Variants in RHOT2 observed in about 807,000 individuals in gnomAD.
RHOT2 encodes the protein ras homolog family member T2.
A neutral mutation model predicts 81.6 loss-of-function variants in RHOT2; 90 were observed. That is an observed-to-expected ratio of 1.10 (90% CI 0.93 to 1.31). RHOT2 has a LOEUF of 1.31. Ranked by LOEUF, RHOT2 falls within the 40% of genes most tolerant of loss-of-function variation. RHOT2 has a pLI of 0.00. For missense variants in RHOT2, 1,014 were observed against 841.9 expected (o/e 1.20, Z -2.53); for synonymous variants, 512 against 370.9 (o/e 1.38, Z -4.37).
chr16:669,851 C>G lies in RHOT2; in HGVS notation c.276+245C>G, dbSNP rs923757911. On this transcript the variant is annotated intron_variant, in intron 5 of 18. Transcript: ENST00000315082. Reference sequence around the variant, plus strand: ...CTCTTTCTTCCCCAGTTTCCAAACCCCCGGGGGGGGACCCGCAGAGGGCCT... The same window carrying G: ...CTCTTTCTTCCCCAGTTTCCAAACCGCCGGGGGGGGACCCGCAGAGGGCCT... 2.8e-5 allele frequency: 17 copies of G among 616,954 alleles called. No homozygotes were observed. The African/African-American group carries it at 3.1e-4, about 11-fold the overall frequency. 38.2% of individuals were successfully genotyped at this position (616,954 alleles called of 1,614,324 possible). A position where few individuals can be genotyped will look rare whatever the true frequency, so the allele number is the denominator to read the frequency against.
rs2038698328 is a variant in RHOT2, at chr16:670,293, G to A, written c.374G>A (p.Gly125Glu). ...LVGNKSDLRS[G>E]SSMEAVLPIM... ...GGCAACAAGTCAGACCTGCGGTCGG[G>A]GAGCTCCATGGAGGCCGTGCTCCCC... The change falls in exon 7 of 19, where the codon GGG (glycine) becomes GAG (glutamate). Residue 125 changes from glycine to glutamate, a missense_variant. Transcript: ENST00000315082. 6.2e-7 allele frequency: 1 copy of A among 1,612,788 alleles called. No individual in the cohort carries two copies. Among genetic ancestry groups the A allele is most frequent in the African/African-American group, 1.3e-5 (1 of 75,044 alleles).
intron 11 of RHOT2, among the ~76,000 whole-genome samples, 153 bp from the exon 12 acceptor site, chr16:671,544 C>T (rs1596512139): frequency 2.0e-5 from 3 of 152,314 alleles, no homozygotes; most frequent in South Asian, 4.1e-4. Flanking sequence ...ACCCTCCTCC[C>T]CTATCGCAGC....
At position 673,541 on chromosome 16, in the gene RHOT2, G is replaced by C. The variant is rs147528563; in HGVS notation, c.1792G>C (p.Val598Leu). The change falls in exon 19 of 19, where the codon GTC becomes CTC. Residue 598 changes from valine to leucine, a missense_variant. By Grantham distance (32) the Val-to-Leu change is conservative. Coordinates refer to ENST00000315082, the MANE Select transcript of RHOT2 (RefSeq NM_138769.3). ...SFWLRGLLGV[V>L]GAAVAAVLSF... ...CTGGCTCCGGGGGCTGCTGGGGGTT[G>C]TCGGGGCCGCCGTGGCCGCAGTCCT... 19 of 1,612,474 alleles carry C rather than the reference G, an allele frequency of 1.2e-5. No individual in the cohort carries two copies. The highest frequency in any genetic ancestry group is 1.6e-5 in the Non-Finnish European group (19 of 1,179,936).
rs1596516888 is a variant in RHOT2, at chr16:671,936, A to G, written c.1031A>G (p.Glu344Gly). 1 of 1,611,678 alleles carries G rather than the reference A, an allele frequency of 6.2e-7. No homozygotes were observed. Among genetic ancestry groups the G allele is most frequent in the East Asian group, 2.2e-5 (1 of 44,808 alleles). Residue 344 changes from glutamate to glycine, a missense_variant, in exon 13 of 19, where the codon GAG becomes GGG. Glu to Gly is a moderately conservative substitution (Grantham distance 98). Coordinates refer to ENST00000315082, the MANE Select transcript of RHOT2 (RefSeq NM_138769.3). ...SVFPAAPWGP[E>G]LPRTVRTEAG... ...TTCCCAGCAGCGCCCTGGGGCCCCG[A>G]GCTCCCACGCACAGTCCGCACAGAG...
Position 668,693 on chromosome 16 carries a change from C to A in RHOT2, c.216C>A (p.Ile72=). The part of the protein sequence containing the change: ...EQTDEELREE[I]HKANVVCVVY... The stretch of plus-strand genomic sequence containing the variant: ...CGGACGAGGAGCTGCGGGAGGAGAT[C>A]CACAAGGTACCCGTGGTGCGCGGGA... The change falls in exon 4 of 19, where the codon ATC becomes ATA. Residue 72 remains isoleucine (I), a synonymous_variant. Coordinates refer to ENST00000315082, the MANE Select transcript of RHOT2 (RefSeq NM_138769.3). 1 of 1,600,898 alleles carries A rather than the reference C, an allele frequency of 6.2e-7. No individual in the cohort carries two copies. Among genetic ancestry groups the A allele is most frequent in the Non-Finnish European group, 8.5e-7 (1 of 1,175,060 alleles).
chr16:669,600 T>C lies in RHOT2; in HGVS notation c.270T>C (p.Ile90=). 1.2e-6 allele frequency: 2 copies of C among 1,611,684 alleles called. No homozygotes were observed. The highest frequency in any genetic ancestry group is 1.7e-6 in the Non-Finnish European group (2 of 1,179,806). ...VVYDVSEEAT[I]EKIRTKWIPL... ...ATGACGTCTCTGAGGAGGCCACCAT[T>C]GAGAAGGTGAGCCCTCAGTGCAGAC... The change falls in exon 5 of 19, where the codon ATT becomes ATC. Residue 90 remains isoleucine, a synonymous_variant. Transcript: ENST00000315082.
rs1217594400 is a variant in RHOT2, at chr16:671,881, C to T, written c.976C>T (p.Pro326Ser). The T allele has an allele frequency of 6.2e-7, 1 of 1,611,936 alleles. No homozygotes were observed. The highest frequency in any genetic ancestry group is 1.1e-5 in the South Asian group (1 of 91,044). The change falls in exon 13 of 19, where the codon CCC becomes TCC. Residue 326 changes from proline (P) to serine (S), a missense_variant. Coordinates refer to ENST00000315082, the MANE Select transcript of RHOT2 (RefSeq NM_138769.3). ...HDQDRDGALSPVELQSLFSVF... is the reference protein window; with the variant it reads ...HDQDRDGALSSVELQSLFSVF... ...GCAGGACCGCGACGGCGCCCTCTCG[C>T]CCGTGGAGCTGCAAAGCCTTTTCAG...
In RHOT2 at chr16:670,255, C is replaced by G. The variant is rs780950287; in HGVS notation, c.336C>G (p.Pro112=). The change falls in exon 7 of 19, where the codon CCC becomes CCG. Residue 112 remains proline (P), a synonymous_variant. Transcript: ENST00000315082. The part of the protein sequence containing the change: ...NGGTTQGPRV[P]IILVGNKSDL... ...CCATGGGCCTTCAACCCAGGGTGCC[C>G]ATCATCCTAGTGGGCAACAAGTCAG... 2.2e-5 allele frequency: 36 copies of G among 1,612,652 alleles called. No homozygotes were observed. The South Asian group carries it at 2.4e-4, about 11-fold the overall frequency.
intron 18 of RHOT2, 142 bp from the exon 19 acceptor site, chr16:673,338 A>C: frequency 7.4e-7 from 1 of 1,351,622 alleles, no homozygotes; most frequent in East Asian, 2.3e-5. Context: ...ATGTCCCTCC[A>C]GGGCCTGGCC....
At chr16:671,810 G>GGCCCCGGCC in intron 12 of RHOT2, 29 bp downstream of exon 12, 3 of 1,586,210 alleles carry the variant, frequency 1.9e-6, no homozygotes, top group South Asian at 1.1e-5. Context: ...CCCTGCCCCT[G>GGCCCCGGCC]CCCCCGCCCC....
In RHOT2 at chr16:672,705, C is replaced by A. The variant is rs775802206; in HGVS notation, c.1407C>A (p.Leu469=). 1.9e-6 allele frequency: 3 copies of A among 1,612,284 alleles called. No homozygotes were observed. The South Asian group carries it at 3.3e-5, about 18-fold the overall frequency. The change falls in exon 17 of 19, where the codon CTC becomes CTA. Residue 469 remains leucine (L), a splice_region_variant and synonymous_variant. Transcript: ENST00000315082. The part of the protein sequence containing the change: ...QVNGQEKYLI[L]CEVGTDGLLA... ...CCTAAGGCCGCTGTCTGTCCCAGCT[C>A]TGTGAGGTGGGCACAGATGGTCTGC...
chr16:669,577 G>A lies in RHOT2; in HGVS notation c.247G>A (p.Asp83Asn), dbSNP rs772821508. The A allele has an allele frequency of 3.7e-6, 6 of 1,612,004 alleles. No homozygotes were observed. Among genetic ancestry groups the A allele is most frequent in the Non-Finnish European group, 5.1e-6 (6 of 1,179,946 alleles). The stretch of plus-strand genomic sequence containing the variant: ...GGCAAACGTGGTGTGTGTGGTGTAT[G>A]ACGTCTCTGAGGAGGCCACCATTGA... ...HKANVVCVVY[D>N]VSEEATIEKI... is the part of the protein sequence containing the mutation. Residue 83 changes from aspartate to asparagine, a missense_variant, in exon 5 of 19, where the codon GAC becomes AAC. Asp to Asn is a conservative substitution (Grantham distance 23). Coordinates refer to ENST00000315082, the MANE Select transcript of RHOT2 (RefSeq NM_138769.3).
chr16:669,640 C>T (rs1017955087), intron 5 of RHOT2, 34 bp downstream of exon 5: 1 of 1,606,594 alleles, frequency 6.2e-7, no homozygotes, highest in Non-Finnish European at 8.5e-7. Flanking sequence ...ACAGCAGAGA[C>T]ACAGTGGCCG....
At chr16:672,900 T>C (rs779200502) in intron 17 of RHOT2, 28 bp from the exon 18 acceptor site, 3 of 1,612,552 alleles carry the variant, frequency 1.9e-6, no homozygotes, top group South Asian at 2.2e-5. Flanking sequence ...ACCCCAGGAC[T>C]GTACCTCATA....
intron 4 of RHOT2, chr16:669,132 C>G (rs2038452263): frequency 5.2e-6 from 2 of 386,306 alleles, no homozygotes; most frequent in African/African-American, 2.1e-5. Flanking sequence ...GCACCCCTCA[C>G]TGCGGTCCTG....
chr16:673,482 AT>A lies in RHOT2; in HGVS notation c.1736del (p.Leu579TrpfsTer37). 1 of 1,612,612 alleles carries A rather than the reference AT, an allele frequency of 6.2e-7. No homozygotes were observed. The highest frequency in any genetic ancestry group is 8.5e-7 in the Non-Finnish European group (1 of 1,179,886). On this transcript the variant is annotated frameshift_variant, in exon 19 of 19. Coordinates refer to ENST00000315082, the MANE Select transcript of RHOT2 (RefSeq NM_138769.3). LOFTEE classifies it high-confidence loss of function. ...CAGATGATTCTTCTCTCTTGCAGAC[AT>A]TTGGTCCACGCAGAGCTGCATCCCT... The part of the protein sequence containing the change: ...TQLATMAAFP[H>X]LVHAELHPSS...
intron 5 of RHOT2, 47 bp downstream of exon 5, chr16:669,653 G>T: frequency 6.3e-7 from 1 of 1,584,146 alleles, no homozygotes. Flanking sequence ...AGTGGCCGGT[G>T]GTGGCCCAGG....
chr16:671,637 G>A, intron 11 of RHOT2, 60 bp from the exon 12 acceptor site: 1 of 1,544,926 alleles, frequency 6.5e-7, no homozygotes, highest in South Asian at 1.2e-5. Flanking sequence ...GGTGACAGAT[G>A]GGCTGAGCGT....
At chr16:669,529 C>T in intron 4 of RHOT2, 24 bp from the exon 5 acceptor site, 1 of 1,609,998 alleles carries the variant, frequency 6.2e-7, no homozygotes, top group South Asian at 1.1e-5. Context: ...CCCTGTCACC[C>T]ACACCTCATC....
Sources: gnomAD v4.1 joint callset for allele counts (sites outside exome capture counted in the v4.1 genomes callset) on GRCh38, gnomAD v4.1.1 for gene constraint, MANE v1.5 for transcripts, NCBI Gene and HGNC (gene_info 2026-07-23, HGNC 2026-07-21) for gene names.